The following KCNB2 variants were observed in gnomAD, a reference collection of about 807,000 sequenced individuals.
KCNB2 encodes potassium voltage-gated channel subfamily B member 2, also known as delayed rectifier potassium channel protein.
A neutral mutation model predicts 61.5 loss-of-function variants in KCNB2; 15 were observed. The observed-to-expected ratio is 0.24, with a 90% confidence interval of 0.16 to 0.38. KCNB2 has a LOEUF of 0.38. Among genes scored for constraint, KCNB2 ranks in the 10% least tolerant of loss-of-function variants. KCNB2 has a pLI of 1.00. For missense variants in KCNB2, 828 were observed against 1,125.2 expected, an observed-to-expected ratio of 0.74 and a Z score of 3.78; for synonymous variants, 457 against 446.0, an observed-to-expected ratio of 1.02 and a Z score of -0.31.
intron 2 of KCNB2, among the ~76,000 whole-genome samples, chr8:72,873,973 A>C (rs1251298090): frequency 6.6e-6 from 1 of 152,242 alleles, no homozygotes; most frequent in Non-Finnish European, 1.5e-5. Context: ...TAGCAGATAG[A>C]GTGTCATTTA....
At chr8:72,842,580 G>A (rs1002001936) in intron 2 of KCNB2, among the ~76,000 whole-genome samples, 1 of 152,108 alleles carries the variant, frequency 6.6e-6, no homozygotes, top group Non-Finnish European at 1.5e-5. Flanking sequence ...TTGTTTGGTT[G>A]GTAGGCTATT....
chr8:72,683,985 G>GA (rs1224954288), intron 2 of KCNB2, among the ~76,000 whole-genome samples: 3 of 152,224 alleles, frequency 2.0e-5, no homozygotes, highest in Admixed American at 6.5e-5. Context: ...GGATATTAAT[G>GA]AAAAAAATCA....
At chr8:72,923,992 C>G (rs1806585918) in intron 2 of KCNB2, among the ~76,000 whole-genome samples, 1 of 152,146 alleles carries the variant, frequency 6.6e-6, no homozygotes, top group Admixed American at 6.5e-5. Flanking sequence ...ATGACTAGCA[C>G]CAGTCTATGG....
chr8:72,845,162 T>G (rs1809965649), intron 2 of KCNB2, among the ~76,000 whole-genome samples: 1 of 152,128 alleles, frequency 6.6e-6, no homozygotes, highest in Non-Finnish European at 1.5e-5. Context: ...TGCTATTCCT[T>G]TCTGTTAGTT....
intron 2 of KCNB2, among the ~76,000 whole-genome samples, chr8:72,734,085 A>G (rs1269055304): frequency 1.3e-5 from 2 of 152,186 alleles, no homozygotes; most frequent in Non-Finnish European, 2.9e-5. Context: ...TGGAATAGAA[A>G]ACATTTATAT....
chr8:72,886,184 A>G (rs1022873104), intron 2 of KCNB2, among the ~76,000 whole-genome samples: 1 of 152,142 alleles, frequency 6.6e-6, no homozygotes, highest in African/African-American at 2.4e-5. Flanking sequence ...GCTTCACTTC[A>G]ACGGCAGCCT....
intron 2 of KCNB2, among the ~76,000 whole-genome samples, chr8:72,718,365 G>A (rs1256551767): frequency 5.3e-5 from 8 of 152,094 alleles, no homozygotes; most frequent in Middle Eastern, 3.2e-3. Flanking sequence ...ACATGCACAC[G>A]TATGTTTATT....
At chr8:72,763,486 G>A (rs1296508141) in intron 2 of KCNB2, among the ~76,000 whole-genome samples, 1 of 152,164 alleles carries the variant, frequency 6.6e-6, no homozygotes, top group African/African-American at 2.4e-5. Flanking sequence ...CTCTAAAACT[G>A]AGATGGAGCT....
intron 2 of KCNB2, among the ~76,000 whole-genome samples, chr8:72,689,108 A>G (rs1329041902): frequency 6.6e-6 from 1 of 152,158 alleles, no homozygotes. Context: ...AATGGTATAG[A>G]TGGAAGTAGA....
chr8:72,587,062 C>T (rs1050478325), intron 2 of KCNB2, among the ~76,000 whole-genome samples: 2 of 152,092 alleles, frequency 1.3e-5, no homozygotes, highest in Non-Finnish European at 2.9e-5. Context: ...CAGTGTATTA[C>T]TGTCGAGAAA....
At chr8:72,923,810 C>T (rs1806580322) in intron 2 of KCNB2, among the ~76,000 whole-genome samples, 1 of 152,172 alleles carries the variant, frequency 6.6e-6, no homozygotes, top group African/African-American at 2.4e-5. Flanking sequence ...CTACCCCTAA[C>T]ATTATATAGT....
chr8:72,896,983 T>C (rs1010924725), intron 2 of KCNB2, among the ~76,000 whole-genome samples: 5 of 152,170 alleles, frequency 3.3e-5, no homozygotes, highest in African/African-American at 9.6e-5. Flanking sequence ...GGAATAGTCT[T>C]ATGGAAAATA....
At chr8:72,887,791 A>T (rs556169866) in intron 2 of KCNB2, among the ~76,000 whole-genome samples, 1 of 151,984 alleles carries the variant, frequency 6.6e-6, no homozygotes, top group African/African-American at 2.4e-5. Flanking sequence ...CATTCAGTCA[A>T]CTCCAGCTCT....
chr8:72,630,069 T>A (rs957675448), intron 2 of KCNB2, among the ~76,000 whole-genome samples: 2 of 152,208 alleles, frequency 1.3e-5, no homozygotes, highest in Non-Finnish European at 2.9e-5. Flanking sequence ...ACCAGTTGTA[T>A]GCTGGAATTG....
chr8:72,667,075 A>G (rs1260014770), intron 2 of KCNB2, among the ~76,000 whole-genome samples: 1 of 152,018 alleles, frequency 6.6e-6, no homozygotes, highest in Non-Finnish European at 1.5e-5. Context: ...AGAAACTGAG[A>G]TACTTCGGGC....
intron 2 of KCNB2, among the ~76,000 whole-genome samples, chr8:72,600,998 C>CA (rs773297528): frequency 0.057 from 7,304 of 127,920 alleles, 194 homozygotes; most frequent in African/African-American, 0.079. Context: ...AAATAAAAGT[C>CA]AAAAAAAAAA....
chr8:72,548,517 A>T (rs1162314923), intron 1 of KCNB2, among the ~76,000 whole-genome samples: 2 of 152,086 alleles, frequency 1.3e-5, no homozygotes, highest in Admixed American at 6.5e-5. Context: ...GAGGTTCTTC[A>T]TTGTCCATTA....
At chr8:72,630,837 G>A (rs1289870243) in intron 2 of KCNB2, among the ~76,000 whole-genome samples, 1 of 152,074 alleles carries the variant, frequency 6.6e-6, no homozygotes, top group Non-Finnish European at 1.5e-5. Flanking sequence ...GATACATCAG[G>A]ACACCCCTTG....
At chr8:72,930,632 G>A (rs1205498646) in intron 2 of KCNB2, among the ~76,000 whole-genome samples, 1 of 152,114 alleles carries the variant, frequency 6.6e-6, no homozygotes, top group Admixed American at 6.5e-5. Context: ...TCACCCATTT[G>A]TTGATGGGGT....
Sources: allele counts gnomAD v4.1 joint callset (sites outside exome capture counted in the v4.1 genomes callset), GRCh38; gene constraint gnomAD v4.1.1; transcripts MANE v1.5; gene names NCBI Gene and HGNC (gene_info 2026-07-23, HGNC 2026-07-21).